ABR: variants seen among roughly 807,000 people sequenced by gnomAD.
ABR encodes the protein active breakpoint cluster region-related protein.
Under a neutral mutation model 107.2 loss-of-function variants are expected in ABR, and 35 were observed. The ratio of observed to expected loss-of-function variants is 0.33; its 90% CI spans 0.25 to 0.43. The LOEUF (loss-of-function observed/expected upper bound fraction) is 0.43, where lower values mean the gene tolerates loss of function less well. Among genes scored for constraint, ABR ranks in the 20% least tolerant of loss-of-function variants. The pLI is 1.00. For missense variants in ABR, 815 were observed against 1,115.2 expected (o/e 0.73, Z 3.83); for synonymous variants, 498 against 462.0 (o/e 1.08, Z -1.00).
chr17:1,054,146 A>T (rs2032930035), intron 14 of ABR, among the ~76,000 whole-genome samples: 1 of 152,190 alleles, frequency 6.6e-6, no homozygotes, highest in South Asian at 2.1e-4. Flanking sequence ...TAAAACAGGG[A>T]TGGTTTCCGT....
chr17:1,056,140 G>A, intron 13 of ABR, 31 bp from the exon 14 acceptor site: 1 of 1,600,058 alleles, frequency 6.2e-7, no homozygotes, highest in South Asian at 1.1e-5. Flanking sequence ...CAGGGCAGAG[G>A]GTGGTCAGCG....
chr17:1,203,807 G>T (rs77297358), intron 1 of ABR, among the ~76,000 whole-genome samples: 17,227 of 152,124 alleles, frequency 0.11, 1,254 homozygotes, highest in Non-Finnish European at 0.15. Context: ...CTCTCTCCGC[G>T]TGGCGAGAGA....
At chr17:1,074,466 A>G (rs1197292427) in intron 6 of ABR, among the ~76,000 whole-genome samples, 2 of 152,236 alleles carry the variant, frequency 1.3e-5, no homozygotes, top group African/African-American at 4.8e-5. Context: ...CACACCTGCC[A>G]CATGCAGGAC....
chr17:1,016,236 G>T (rs2071143583), intron 16 of ABR, among the ~76,000 whole-genome samples: 1 of 151,824 alleles, frequency 6.6e-6, no homozygotes, highest in South Asian at 2.1e-4. Flanking sequence ...GGAAGGCAAA[G>T]AACTGGATAC....
At chr17:1,129,738 G>A (rs1808934) in intron 1 of ABR, among the ~76,000 whole-genome samples, 84,951 of 151,888 alleles carry the variant, frequency 0.56, 23,928 homozygotes, top group African/African-American at 0.62. Context: ...CACGAGGTTA[G>A]GAGTTCAAGA....
At chr17:1,057,649 A>ATGTG (rs757782354) in intron 12 of ABR, among the ~76,000 whole-genome samples, 7 of 137,600 alleles carry the variant, frequency 5.1e-5, no homozygotes, top group Admixed American at 2.9e-4. Flanking sequence ...GCCTCTGTGT[A>ATGTG]TGTGTGTATG....
Position 1,078,038 on chromosome 17 carries a change from C to T in ABR, c.700+1292G>A, listed in dbSNP as rs1014146758. 1.6e-3 allele frequency among the ~76,000 whole-genome samples: 7 copies of T among 4,420 alleles called. No homozygotes were observed. The highest frequency in any genetic ancestry group is 8.1e-3 in the African/African-American group (1 of 124). 2.9% of individuals were successfully genotyped at this position (4,420 alleles called of 152,430 possible). ...TGACATGCACCTGTCCCGGGACTTC[C>T]CCCCAGCCCCCAGCCAGCTGCGGGA... is the stretch of plus-strand genomic sequence containing the variant. On this transcript the variant is annotated intron_variant, in intron 6 of 22. Coordinates refer to ENST00000302538, the MANE Select transcript of ABR (RefSeq NM_021962.5). This position sits in a 1 kb window ranked among gnomAD's most constrained non-coding sequence, Gnocchi z 7.5.
chr17:1,050,284 G>C lies in ABR; in HGVS notation c.1660-103C>G, dbSNP rs567686136. ...TTTGCAAGGAGGAGGGAGTAAGCAC[G>C]GCCCACGAAGGACACGTCAGATTTT... On this transcript the variant is annotated intron_variant, in intron 15 of 22. Transcript: ENST00000302538. This position sits in a 1 kb window ranked among gnomAD's most constrained non-coding sequence, Gnocchi z 4.6. The C allele has an allele frequency of 5.2e-5, 73 of 1,409,910 alleles. No individual in the cohort carries two copies. Among genetic ancestry groups the C allele is most frequent in the Non-Finnish European group, 6.9e-5 (72 of 1,044,710 alleles). 87.3% of individuals were successfully genotyped at this position (1,409,910 alleles called of 1,614,324 possible).
chr17:1,194,157 G>A (rs2042499247), intron 1 of ABR, among the ~76,000 whole-genome samples: 2 of 151,906 alleles, frequency 1.3e-5, no homozygotes, highest in African/African-American at 4.8e-5. Context: ...TGGTGGCAAG[G>A]GTGTTTCCTT....
chr17:1,179,803 G>C lies in ABR; in HGVS notation c.-76C>G. Reference sequence around the variant, plus strand: ...AAAGGAGGGAGAGCGGGCGGGAGCCGGGGGAGGCCGAAGTTGCGAGCGCGG... The same window carrying C: ...AAAGGAGGGAGAGCGGGCGGGAGCCCGGGGAGGCCGAAGTTGCGAGCGCGG... On this transcript the variant is annotated 5_prime_UTR_variant, in exon 1 of 23. Transcript: ENST00000302538. This position sits in a 1 kb window ranked among gnomAD's most constrained non-coding sequence, Gnocchi z 4.9. 2.3e-6 allele frequency: 3 copies of C among 1,309,432 alleles called. 1 individual carries two copies. The highest frequency in any genetic ancestry group is 1.6e-5 in the South Asian group (1 of 61,208). 81.1% of individuals were successfully genotyped at this position (1,309,432 alleles called of 1,614,324 possible).
At chr17:1,160,340 C>T (rs2041240497) in intron 1 of ABR, among the ~76,000 whole-genome samples, 1 of 151,634 alleles carries the variant, frequency 6.6e-6, no homozygotes, top group Admixed American at 6.6e-5. Context: ...ATGGGCCAGG[C>T]ACTCACACAT....
At chr17:1,203,427 CCCGCGGGGACGGAGTCTGCGGGGGCGGGG>C (rs2042718348) in intron 1 of ABR, among the ~76,000 whole-genome samples, 1 of 46,864 alleles carries the variant, frequency 2.1e-5, no homozygotes, top group Non-Finnish European at 4.4e-5. Context: ...GGGGGCGGGG[CCCGCGGGGACGGAGTCTGCGGGGGCGGGG>C]CCCGCGGGGA....
rs201397813 is a variant in ABR, at chr17:1,160,948, G to GC, written c.61+18718dup. On this transcript the variant is annotated intron_variant, in intron 1 of 22. Transcript: ENST00000302538. ...CCATCGAGCCTTGCTCTCTGGCCCCGCCACCTGTACGAGTGCTGCAGACGG... is the reference window on the plus strand; with the variant it reads ...CCATCGAGCCTTGCTCTCTGGCCCCGCCCACCTGTACGAGTGCTGCAGACGG... 2.1e-4 allele frequency among the ~76,000 whole-genome samples: 32 copies of GC among 152,324 alleles called. 1 individual carries two copies. In the East Asian group the frequency reaches 6.0e-3, roughly 28 times the overall value.
chr17:1,048,522 C>G (rs2031983593), intron 16 of ABR, among the ~76,000 whole-genome samples: 1 of 152,256 alleles, frequency 6.6e-6, no homozygotes, highest in Non-Finnish European at 1.5e-5. Context: ...CCATCGCAGC[C>G]TGCGCCTGGA....
rs950444807 is a variant in ABR at position 1,051,396 on chromosome 17, G to A, written c.1562-762C>T. Among the ~76,000 whole-genome samples the A allele has an allele frequency of 5.3e-5, 8 of 151,424 alleles. No individual in the cohort carries two copies. The East Asian group carries it at 9.8e-4, about 18-fold the overall frequency. On this transcript the variant is annotated intron_variant, in intron 14 of 22. Transcript: ENST00000302538. The surrounding 1 kb of genome is among the most constrained non-coding windows in gnomAD (Gnocchi z 4.3). ...AACGAGGCTCCCACCACCACCAAGC[G>A]CTCCAGGTAACAAGGCAGTGGAGGG...
intron 3 of ABR, among the ~76,000 whole-genome samples, chr17:1,095,254 C>T (rs2151312903): frequency 6.6e-6 from 1 of 152,324 alleles, no homozygotes; most frequent in Non-Finnish European, 1.5e-5. Context: ...TCCTCCTCAA[C>T]TTCCCACCCC....
intron 16 of ABR, among the ~76,000 whole-genome samples, chr17:1,013,804 G>C (rs1597366028): frequency 6.6e-6 from 1 of 152,200 alleles, no homozygotes; most frequent in Non-Finnish European, 1.5e-5. Context: ...TCCTCCACAG[G>C]GGAAGTCCCC....
At chr17:1,018,062 A>C (rs2071300847) in intron 16 of ABR, among the ~76,000 whole-genome samples, 1 of 150,942 alleles carries the variant, frequency 6.6e-6, no homozygotes, top group Non-Finnish European at 1.5e-5. Flanking sequence ...TTTATTTTTG[A>C]GACGGAGTCT....
chr17:1,072,785 A>T (rs757756410), intron 7 of ABR, 31 bp from the exon 8 acceptor site: 8 of 1,605,142 alleles, frequency 5.0e-6, no homozygotes, highest in Non-Finnish European at 5.9e-6. Flanking sequence ...AGTTGAGGGG[A>T]GCGGCTCTGG....
Sources: gnomAD v4.1 joint callset for allele counts (sites outside exome capture counted in the v4.1 genomes callset) on GRCh38, gnomAD v4.1.1 for gene constraint, Gnocchi (gnomAD v3.1) non-coding constraint, MANE v1.5 for transcripts, NCBI Gene and HGNC (gene_info 2026-07-23, HGNC 2026-07-21) for gene names.